The following SP140L variants were observed in gnomAD, a reference collection of about 807,000 sequenced individuals.
SP140L encodes SP140 like nuclear body protein.
A neutral mutation model predicts 84.3 loss-of-function variants in SP140L; 64 were observed. The observed-to-expected ratio is 0.76, with a 90% CI of 0.62 to 0.94. The LOEUF (loss-of-function observed/expected upper bound fraction) is 0.94. Ranked by LOEUF, SP140L falls within the 40% of genes least tolerant of loss-of-function variation. The pLI, the probability that SP140L is intolerant of heterozygous loss-of-function variation, is 0.00. For synonymous variants in SP140L, 242 were observed against 236.9 expected (o/e 1.02, Z -0.20); for missense variants, 628 against 692.5 (o/e 0.91, Z 1.05).
At chr2:230,366,885 A>G (rs139069027) in intron 5 of SP140L, among the ~76,000 whole-genome samples, 1,642 of 152,024 alleles carry the variant, frequency 0.011, 26 homozygotes, top group African/African-American at 0.037. Context: ...GGCGCATGCC[A>G]CCAAGCCTGG....
intron 5 of SP140L, among the ~76,000 whole-genome samples, 152 bp downstream of exon 5, chr2:230,361,849 C>G (rs1397370254): frequency 6.6e-6 from 1 of 152,156 alleles, no homozygotes; most frequent in Non-Finnish European, 1.5e-5. Flanking sequence ...GTATGAGCTC[C>G]TAATCAGATG....
chr2:230,396,584 T>C (rs2062058210), intron 13 of SP140L, among the ~76,000 whole-genome samples, 173 bp from the exon 14 acceptor site: 1 of 152,258 alleles, frequency 6.6e-6, no homozygotes, highest in African/African-American at 2.4e-5. Flanking sequence ...TTTGCTTACA[T>C]AGGAAATTAA....
chr2:230,400,739 C>T (rs2149835692), intron 15 of SP140L: 2 of 1,127,342 alleles, frequency 1.8e-6, no homozygotes, highest in African/African-American at 1.6e-5. Flanking sequence ...GGTGACACCA[C>T]CTTCCTGAGG....
intron 2 of SP140L, among the ~76,000 whole-genome samples, chr2:230,332,023 C>A (rs1224987859): frequency 1.3e-5 from 2 of 152,006 alleles, no homozygotes; most frequent in Non-Finnish European, 2.9e-5. Context: ...CAAAAATGAG[C>A]ATTTTTGTTT....
At chr2:230,351,706 G>A (rs1350757693) in intron 2 of SP140L, among the ~76,000 whole-genome samples, 1 of 152,116 alleles carries the variant, frequency 6.6e-6, no homozygotes. Context: ...GAGTGCAGTG[G>A]TGTGACCTCG....
intron 7 of SP140L, among the ~76,000 whole-genome samples, chr2:230,375,358 T>G (rs1390249393): frequency 6.6e-6 from 1 of 152,188 alleles, no homozygotes; most frequent in African/African-American, 2.4e-5. Context: ...TATGCTGCAA[T>G]GAACATGGGG....
intron 2 of SP140L, among the ~76,000 whole-genome samples, chr2:230,349,660 T>C (rs2060306963): frequency 6.6e-6 from 1 of 152,142 alleles, no homozygotes; most frequent in African/African-American, 2.4e-5. Flanking sequence ...CTAAGTTTAC[T>C]AGTTGGTTGT....
intron 2 of SP140L, among the ~76,000 whole-genome samples, chr2:230,335,827 G>A (rs1224591869): frequency 2.0e-5 from 3 of 152,104 alleles, no homozygotes; most frequent in Non-Finnish European, 4.4e-5. Flanking sequence ...TAAAATGATG[G>A]TATCAACAAT....
At position 230,357,919 on chromosome 2, in the gene SP140L, C is replaced by T; in HGVS notation, c.222C>T (p.Phe74=). ...ATGCAATAAAAAAGACATTTCCATT[C>T]CTTGAGGGCCTCCGCGATCGGGAAC... ...ISNAIKKTFP[F]LEGLRDRELI... The change falls in exon 3 of 19, where the codon TTC becomes TTT. Residue 74 remains phenylalanine, a synonymous_variant. Transcript: ENST00000415673. The T allele has an allele frequency of 6.2e-7, 1 of 1,613,998 alleles. No individual in the cohort carries two copies. The highest frequency in any genetic ancestry group is 8.5e-7 in the Non-Finnish European group (1 of 1,179,912).
At chr2:230,402,106 G>T (rs1380586224) in intron 18 of SP140L, among the ~76,000 whole-genome samples, 5 of 152,324 alleles carry the variant, frequency 3.3e-5, no homozygotes, top group Non-Finnish European at 5.9e-5. Flanking sequence ...ATAAAGAGAA[G>T]AGAATTTCAT....
chr2:230,369,673 A>T (rs1232962908), intron 5 of SP140L, among the ~76,000 whole-genome samples: 1 of 152,184 alleles, frequency 6.6e-6, no homozygotes, highest in Non-Finnish European at 1.5e-5. Context: ...ACTGCCACTG[A>T]TGGGCTAGCT....
intron 5 of SP140L, among the ~76,000 whole-genome samples, chr2:230,361,925 C>T (rs1324481895): frequency 6.6e-6 from 1 of 152,106 alleles, no homozygotes; most frequent in Non-Finnish European, 1.5e-5. Flanking sequence ...GAACCAGAGC[C>T]AAGTGTGTCA....
At chr2:230,364,299 G>GTTT in intron 5 of SP140L, among the ~76,000 whole-genome samples, 1 of 152,150 alleles carries the variant, frequency 6.6e-6, no homozygotes, top group South Asian at 2.1e-4. Context: ...TGAACATGGG[G>GTTT]TATCTTTCCA....
At position 230,370,935 on chromosome 2, in the gene SP140L, G is replaced by C; in HGVS notation, c.551G>C (p.Arg184Thr). Residue 184 changes from arginine (R) to threonine (T), a missense_variant, in exon 6 of 19, where the codon AGG (arginine) becomes ACG (threonine). By Grantham distance (71) the Arg-to-Thr change is moderately conservative (BLOSUM62 -1). Transcript: ENST00000415673. ...GAAGTGCCAGAAAGCCCGGAAGCAA[G>C]GAAGGAAAGTGACCAAGCATGTGGC... The part of the protein sequence containing the change: ...QGEVPESPEA[R>T]KESDQACGKM... The C allele has an allele frequency of 6.2e-7, 1 of 1,613,820 alleles. No individual in the cohort carries two copies. The highest frequency in any genetic ancestry group is 8.5e-7 in the Non-Finnish European group (1 of 1,179,830).
intron 5 of SP140L, among the ~76,000 whole-genome samples, chr2:230,367,729 C>T (rs142166422): frequency 8.5e-5 from 13 of 152,318 alleles, no homozygotes; most frequent in African/African-American, 2.6e-4. Flanking sequence ...GGGCAGATCA[C>T]GAGGCCATCC....
At chr2:230,328,942 G>T in intron 2 of SP140L, 111 bp downstream of exon 2, 5 of 1,416,354 alleles carry the variant, frequency 3.5e-6, no homozygotes, top group African/African-American at 1.5e-5. Context: ...TAATTTTTTT[G>T]TTTATTTTTT....
intron 5 of SP140L, among the ~76,000 whole-genome samples, chr2:230,367,602 A>T (rs935273847): frequency 5.3e-5 from 8 of 151,876 alleles, no homozygotes; most frequent in African/African-American, 1.9e-4. Flanking sequence ...TCTCATATTA[A>T]ATTTTTTATA....
At chr2:230,350,203 T>G (rs913261553) in intron 2 of SP140L, among the ~76,000 whole-genome samples, 2 of 152,190 alleles carry the variant, frequency 1.3e-5, no homozygotes, top group Non-Finnish European at 2.9e-5. Context: ...TATTATTTAT[T>G]CTGAATTTTA....
chr2:230,354,816 A>G (rs2060467940), intron 2 of SP140L, among the ~76,000 whole-genome samples: 1 of 144,034 alleles, frequency 6.9e-6, no homozygotes, highest in East Asian at 2.1e-4. Context: ...AGAGAGAAAG[A>G]AAAAGAAAGA....
Sources: allele counts gnomAD v4.1 joint callset (sites outside exome capture counted in the v4.1 genomes callset), GRCh38; gene constraint gnomAD v4.1.1; transcripts MANE v1.5; gene names NCBI Gene and HGNC (gene_info 2026-07-23, HGNC 2026-07-21).